Variants in ERCC6L2 observed in about 807,000 individuals in gnomAD.
ERCC6L2 encodes ERCC excision repair 6 like 2.
A neutral mutation model predicts 132.0 loss-of-function variants in ERCC6L2; 77 were observed. The observed-to-expected ratio is 0.58, with a 90% CI of 0.49 to 0.71. The LOEUF (loss-of-function observed/expected upper bound fraction) is 0.71, where lower values mean the gene tolerates loss of function less well. ERCC6L2 is among the 30% of genes least tolerant of loss of function. The pLI is 0.00. For synonymous variants in ERCC6L2, 583 were observed against 632.4 expected (o/e 0.92, Z 1.17); for missense variants, 1,542 against 1,837.6 (o/e 0.84, Z 2.94).
chr9:96,010,797 T>C (rs1236863379), intron 18 of ERCC6L2, among the ~76,000 whole-genome samples: 1 of 152,232 alleles, frequency 6.6e-6, no homozygotes, highest in Non-Finnish European at 1.5e-5. Flanking sequence ...CTAGCCCAAG[T>C]AAACTGTAAA....
At chr9:95,908,602 C>T (rs1446820309) in intron 4 of ERCC6L2, among the ~76,000 whole-genome samples, 3 of 152,128 alleles carry the variant, frequency 2.0e-5, no homozygotes, top group Non-Finnish European at 2.9e-5. Context: ...GTAGTGAGGT[C>T]TGAAGTCTTC....
At chr9:96,023,010 G>A (rs1394848637), downstream of ERCC6L2, among the ~76,000 whole-genome samples, 1 of 152,168 alleles carries the variant, frequency 6.6e-6, no homozygotes, top group African/African-American at 2.4e-5. Flanking sequence ...ATGAGTCCAG[G>A]TCTGGGCTGC....
At chr9:96,027,164 CCACACACA>C (rs746621075) in intron 19 of ERCC6L2, among the ~76,000 whole-genome samples, 1 of 148,698 alleles carries the variant, frequency 6.7e-6, no homozygotes, top group Non-Finnish European at 1.5e-5. Flanking sequence ...ATGCACCACA[CCACACACA>C]CACACACCAC....
At chr9:95,989,935 C>T (rs1264142507) in intron 17 of ERCC6L2, among the ~76,000 whole-genome samples, 1 of 152,166 alleles carries the variant, frequency 6.6e-6, no homozygotes, top group Non-Finnish European at 1.5e-5. Flanking sequence ...CTGAGGAAAT[C>T]TGGAGCCAGA....
intron 18 of ERCC6L2, among the ~76,000 whole-genome samples, chr9:96,010,826 C>T (rs1022837197): frequency 3.3e-5 from 5 of 152,140 alleles, no homozygotes; most frequent in African/African-American, 7.2e-5. Flanking sequence ...AGATAGGAAA[C>T]GGAGTCTTAT....
At position 96,034,028 on chromosome 9, in the gene ERCC6L2, G is replaced by A. The variant is rs138618515; in HGVS notation, c.*1504-4848G>A. On this transcript the variant is annotated intron_variant and NMD_transcript_variant, in intron 19 of 20. Coordinates refer to the ERCC6L2 transcript ENST00000670016. ...CGGGTGGCTGCCAGCTCTGAGCCCC[G>A]CTGCTCTCCGGTCACTGGGAAACCC... Among the ~76,000 whole-genome samples the A allele has an allele frequency of 8.5e-5, 13 of 152,322 alleles. No individual in the cohort carries two copies. The East Asian group carries it at 2.3e-3, about 27-fold the overall frequency.
In ERCC6L2 at chr9:95,897,990, G is replaced by T. The variant is rs1478092435; in HGVS notation, c.594+19G>T. 1.3e-6 allele frequency: 2 copies of T among 1,590,536 alleles called. No homozygotes were observed. The highest frequency in any genetic ancestry group is 4.5e-5 in the East Asian group (2 of 44,534). On this transcript the variant is annotated intron_variant, in intron 3 of 18. Coordinates refer to ENST00000653738, the MANE Select transcript of ERCC6L2 (RefSeq NM_020207.7). Reference sequence around the variant, plus strand: ...AAAAAAGGTAAAATCTCTAGACAATGTATATTCTACTCATGATGCTGGTAT... The same window carrying T: ...AAAAAAGGTAAAATCTCTAGACAATTTATATTCTACTCATGATGCTGGTAT...
At chr9:95,890,135 A>G (rs1294203043) in intron 2 of ERCC6L2, among the ~76,000 whole-genome samples, 2 of 152,204 alleles carry the variant, frequency 1.3e-5, no homozygotes, top group African/African-American at 4.8e-5. Context: ...TGATAGAAAT[A>G]GCCTTTCATC....
At chr9:95,938,271 G>T (rs1432457675) in intron 11 of ERCC6L2, among the ~76,000 whole-genome samples, 1 of 151,554 alleles carries the variant, frequency 6.6e-6, no homozygotes, top group African/African-American at 2.4e-5. Flanking sequence ...TTATGGCCCA[G>T]GATTTGGTCT....
chr9:95,966,021 A>G (rs1269204977), intron 13 of ERCC6L2, among the ~76,000 whole-genome samples: 1 of 152,184 alleles, frequency 6.6e-6, no homozygotes, highest in Non-Finnish European at 1.5e-5. Context: ...TAAATGTTCC[A>G]TGTCAGTGTT....
chr9:96,008,465 CT>C (rs2133214036), intron 18 of ERCC6L2, among the ~76,000 whole-genome samples: 1 of 152,238 alleles, frequency 6.6e-6, no homozygotes, highest in Admixed American at 6.5e-5. Flanking sequence ...GATTAGGGAA[CT>C]TTGCAGGTGT....
rs1185860753 is a variant in ERCC6L2, at chr9:95,941,434, T to G, written c.1752-20T>G. On this transcript the variant is annotated intron_variant, in intron 11 of 18. Coordinates refer to ENST00000653738, the MANE Select transcript of ERCC6L2 (RefSeq NM_020207.7). Reference sequence around the variant, plus strand: ...GTTTTTGCTGTTCTAATGTGCTTTTTTTTTTTCTCTTTCCTCCAGGGCTGG... The same window carrying G: ...GTTTTTGCTGTTCTAATGTGCTTTTGTTTTTTCTCTTTCCTCCAGGGCTGG... The G allele has an allele frequency of 6.3e-7, 1 of 1,588,800 alleles. No individual in the cohort carries two copies. Among genetic ancestry groups the G allele is most frequent in the South Asian group, 1.1e-5 (1 of 87,854 alleles).
rs867283583 is a variant in ERCC6L2, at chr9:95,914,361, A to G, written c.789-1307A>G. On this transcript the variant is annotated intron_variant, in intron 4 of 18. Coordinates refer to ENST00000653738, the MANE Select transcript of ERCC6L2 (RefSeq NM_020207.7). ...TTTTAAATTTTGTTGAGTTATAATA[A>G]TTTTTTTTTTTGAGACGGAGTCTTG... Among the ~76,000 whole-genome samples, 3 of 148,610 alleles carry G rather than the reference A, an allele frequency of 2.0e-5. No individual in the cohort carries two copies. The South Asian group carries it at 6.3e-4, about 31-fold the overall frequency.
intron 17 of ERCC6L2, among the ~76,000 whole-genome samples, chr9:95,981,011 C>T (rs1832869831): frequency 6.6e-6 from 1 of 152,060 alleles, no homozygotes; most frequent in South Asian, 2.1e-4. Context: ...TGTGTGCATG[C>T]GTGTCTGTAG....
At chr9:95,924,262 G>C (rs1246045253) in intron 9 of ERCC6L2, among the ~76,000 whole-genome samples, 1 of 151,618 alleles carries the variant, frequency 6.6e-6, no homozygotes, top group Non-Finnish European at 1.5e-5. Flanking sequence ...GGTTTAGTTT[G>C]CTTGGGACCT....
Position 96,012,797 on chromosome 9 carries a change from C to A in ERCC6L2, c.4247C>A (p.Pro1416His), listed in dbSNP as rs767624679. Reference protein sequence around the residue: ...LTRTGISRKEPLLKLENKKIE... With the variant: ...LTRTGISRKEHLLKLENKKIE... ...AGAACGGGCATTTCAAGAAAAGAACCCCTTCTCAAATTGGAAAACAAAAAG... is the reference window on the plus strand; with the variant it reads ...AGAACGGGCATTTCAAGAAAAGAACACCTTCTCAAATTGGAAAACAAAAAG... Residue 1416 changes from proline to histidine, a missense_variant, in exon 19 of 19, where the codon CCC (proline) becomes CAC (histidine). Pro to His is a moderately conservative substitution (Grantham distance 77). Transcript: ENST00000653738. The A allele has an allele frequency of 2.2e-6, 3 of 1,367,350 alleles. No individual in the cohort carries two copies. The highest frequency in any genetic ancestry group is 2.9e-6 in the Non-Finnish European group (3 of 1,021,816). 84.7% of individuals were successfully genotyped at this position (1,367,350 alleles called of 1,614,324 possible).
intron 2 of ERCC6L2, among the ~76,000 whole-genome samples, chr9:95,887,829 A>G (rs13301650): frequency 6.6e-6 from 1 of 152,210 alleles, no homozygotes; most frequent in Non-Finnish European, 1.5e-5. Flanking sequence ...ACTCAGGAAT[A>G]TAGTAATAAA....
chr9:95,937,279 C>T (rs180970219), intron 11 of ERCC6L2, among the ~76,000 whole-genome samples: 2 of 152,244 alleles, frequency 1.3e-5, no homozygotes, highest in African/African-American at 2.4e-5. Context: ...TTTTCACTAA[C>T]ATTTGCTATC....
At chr9:96,037,107 C>T (rs1398888531) in intron 19 of ERCC6L2, among the ~76,000 whole-genome samples, 1 of 152,066 alleles carries the variant, frequency 6.6e-6, no homozygotes, top group East Asian at 1.9e-4. Flanking sequence ...ATAAAGTTAC[C>T]CTGCCAAATT....
Sources: allele counts gnomAD v4.1 joint callset (sites outside exome capture counted in the v4.1 genomes callset), GRCh38; gene constraint gnomAD v4.1.1; transcripts MANE v1.5; gene names NCBI Gene and HGNC (gene_info 2026-07-23, HGNC 2026-07-21).